AVEN: variants seen among roughly 807,000 people sequenced by gnomAD.
The protein encoded by AVEN is apoptosis and caspase activation inhibitor.
AVEN carries 41 observed loss-of-function variants against 38.1 expected under a neutral mutation model. That is an observed-to-expected ratio of 1.08 (90% CI 0.84 to 1.40). AVEN has a LOEUF of 1.40. Ranked by LOEUF, AVEN falls within the 40% of genes most tolerant of loss-of-function variation. AVEN has a pLI of 0.00. For missense variants in AVEN, 605 were observed against 438.8 expected (o/e 1.38, Z -3.38); for synonymous variants, 206 against 171.8 (o/e 1.20, Z -1.56).
chr15:33,923,842 C>A (rs1019705918), intron 2 of AVEN, among the ~76,000 whole-genome samples: 1 of 151,588 alleles, frequency 6.6e-6, no homozygotes, highest in African/African-American at 2.4e-5. Flanking sequence ...GTGAACTGCA[C>A]CTAAGAGGGA....
At chr15:34,051,735 T>C (rs1225033519) in intron 5 of AVEN, among the ~76,000 whole-genome samples, 1 of 151,656 alleles carries the variant, frequency 6.6e-6, no homozygotes, top group Non-Finnish European at 1.5e-5. Flanking sequence ...AACTAGAAAA[T>C]CTAGAAGAAA....
chr15:33,860,406 A>AC, intron 11 of AVEN, among the ~76,000 whole-genome samples: 1 of 152,302 alleles, frequency 6.6e-6, no homozygotes, highest in South Asian at 2.1e-4. Flanking sequence ...GTAGAAAGGT[A>AC]GAGTTAGGAG....
At chr15:33,970,318 A>G (rs145534471) in intron 2 of AVEN, among the ~76,000 whole-genome samples, 36 of 152,090 alleles carry the variant, frequency 2.4e-4, no homozygotes, top group African/African-American at 7.5e-4. Context: ...CTTAAATATC[A>G]TAAGTCTTTT....
intron 2 of AVEN, among the ~76,000 whole-genome samples, chr15:33,937,263 G>A (rs1300380757): frequency 4.0e-5 from 6 of 150,266 alleles, no homozygotes; most frequent in African/African-American, 9.8e-5. Context: ...GGCCGGGCAC[G>A]GTGGCTCACG....
intron 2 of AVEN, among the ~76,000 whole-genome samples, chr15:33,891,904 T>G (rs1891988691): frequency 6.6e-6 from 1 of 152,220 alleles, no homozygotes; most frequent in African/African-American, 2.4e-5. Flanking sequence ...GTTTCCTGAC[T>G]TCTTAATGAT....
At chr15:33,874,381 C>A (rs1597177172) in intron 3 of AVEN, among the ~76,000 whole-genome samples, 2 of 152,172 alleles carry the variant, frequency 1.3e-5, no homozygotes, top group East Asian at 3.9e-4. Flanking sequence ...GGGAATACTA[C>A]ACTCTGGCCA....
chr15:33,968,157 T>C (rs996836537), intron 2 of AVEN, among the ~76,000 whole-genome samples: 1 of 33,950 alleles, frequency 2.9e-5, no homozygotes, highest in Non-Finnish European at 7.5e-5. Flanking sequence ...CAGGAAAAAA[T>C]GAACATTTTC....
rs1891208890 is a variant in AVEN, at chr15:33,875,948, T to G, written c.493A>C (p.Ser165Arg). Residue 165 changes from serine (S) to arginine (R), a missense_variant, in exon 3 of 6, where the codon AGT becomes CGT. By Grantham distance (110) the Ser-to-Arg change is moderately radical (BLOSUM62 -1). Coordinates refer to ENST00000306730, the MANE Select transcript of AVEN (RefSeq NM_020371.3). ...ACCTGTTTTGGACAAGAAGCTTCAC[T>G]ATCCCATTCTTTCTCCTCAGCAAAC... ...FRFAEEKEWD[S>R]EASCPKQNSA... The G allele has an allele frequency of 6.2e-7, 1 of 1,613,732 alleles. No homozygotes were observed. The highest frequency in any genetic ancestry group is 8.5e-7 in the Non-Finnish European group (1 of 1,179,958).
intron 1 of AVEN, among the ~76,000 whole-genome samples, chr15:34,009,789 G>A (rs1208975880): frequency 6.6e-6 from 1 of 152,080 alleles, no homozygotes; most frequent in East Asian, 1.9e-4. Context: ...AGGAGTTTGA[G>A]ATCAGCCTGA....
At chr15:33,867,996 T>C in intron 4 of AVEN, 141 bp from the exon 5 acceptor site, 1 of 1,198,154 alleles carries the variant, frequency 8.3e-7, no homozygotes, top group South Asian at 1.7e-5. Context: ...GTGGCTCCTT[T>C]CCAGGCCCTG....
At chr15:33,865,177 T>A (rs779039450), downstream of AVEN, 2 of 1,613,880 alleles carry the variant, frequency 1.2e-6, no homozygotes, top group Non-Finnish European at 1.7e-6. Flanking sequence ...TGGGATTTCT[T>A]CCCAGCCGGT....
Position 34,063,837 on chromosome 15 carries a change from CA to C in AVEN, n.1127-406del. ...AGCAGCTGCTCATAGACCCAAGAGTCAGAAATGTGTGGCCTATAAGTTCCGA... is the reference window on the plus strand; with the variant it reads ...AGCAGCTGCTCATAGACCCAAGAGTCGAAATGTGTGGCCTATAAGTTCCGA... On this transcript the variant is annotated intron_variant and non_coding_transcript_variant, in intron 4 of 11. Coordinates refer to the AVEN transcript ENST00000675287. This position sits in a 1 kb window ranked among gnomAD's most constrained non-coding sequence, Gnocchi z 4.1. 1 of 1,614,154 alleles carries C rather than the reference CA, an allele frequency of 6.2e-7. No homozygotes were observed. Among genetic ancestry groups the C allele is most frequent in the South Asian group, 1.1e-5 (1 of 91,076 alleles).
At chr15:34,023,377 C>T (rs1001008998) in intron 1 of AVEN, among the ~76,000 whole-genome samples, 1 of 152,226 alleles carries the variant, frequency 6.6e-6, no homozygotes. Flanking sequence ...TGGCCGAGTC[C>T]TCCCTAGTAA....
intron 2 of AVEN, among the ~76,000 whole-genome samples, chr15:33,964,639 A>T (rs499366): frequency 0.85 from 129,771 of 151,900 alleles, 58,089 homozygotes; most frequent in Non-Finnish European, 0.98. Flanking sequence ...ACTTAGTTTT[A>T]AAAAAAAATT....
chr15:34,064,265 GA>G (rs749287251), intron 4 of AVEN: 1 of 1,611,640 alleles, frequency 6.2e-7, no homozygotes, highest in Non-Finnish European at 8.5e-7. Flanking sequence ...GATGGAAAAA[GA>G]AAAAAGTGGA....
At chr15:33,892,164 G>C (rs11072777) in intron 2 of AVEN, among the ~76,000 whole-genome samples, 124,673 of 152,086 alleles carry the variant, frequency 0.82, 55,186 homozygotes, top group Non-Finnish European at 0.98. Flanking sequence ...AATTTTCTCC[G>C]ATTCTGTAGG....
At chr15:34,064,413 C>T in intron 4 of AVEN, 1 of 1,392,616 alleles carries the variant, frequency 7.2e-7, no homozygotes, top group Middle Eastern at 2.6e-4. Flanking sequence ...AAAAAGAAGA[C>T]ATCTCATTTT....
chr15:34,071,902 AACTCAGAAAACTAG>A (rs775512193), intron 1 of AVEN, among the ~76,000 whole-genome samples: 3 of 152,204 alleles, frequency 2.0e-5, no homozygotes, highest in Non-Finnish European at 4.4e-5. Flanking sequence ...TGAAGTCTTT[AACTCAGAAAACTAG>A]ACTAGGTTAT....
chr15:34,050,764 A>G (rs764741113), intron 5 of AVEN, among the ~76,000 whole-genome samples: 5 of 152,252 alleles, frequency 3.3e-5, no homozygotes, highest in Non-Finnish European at 7.3e-5. Flanking sequence ...AGGGCATTAC[A>G]TAATGGTAAA....
Sources: allele counts gnomAD v4.1 joint callset (sites outside exome capture counted in the v4.1 genomes callset), GRCh38; gene constraint gnomAD v4.1.1; non-coding constraint Gnocchi (gnomAD v3.1); transcripts MANE v1.5; gene names NCBI Gene and HGNC (gene_info 2026-07-23, HGNC 2026-07-21).